WAPL: variants seen among roughly 807,000 people sequenced by gnomAD.
WAPL encodes wings apart-like protein homolog.
Under a neutral mutation model 121.0 loss-of-function variants are expected in WAPL, and 5 were observed. The observed-to-expected ratio is 0.04, with a 90% CI of 0.02 to 0.09. The LOEUF (loss-of-function observed/expected upper bound fraction) is 0.09, where lower values mean the gene tolerates loss of function less well. Ranked by LOEUF, WAPL falls within the 10% of genes least tolerant of loss-of-function variation. WAPL has a pLI of 1.00. For missense variants in WAPL, 999 were observed against 1,410.8 expected (o/e 0.71, Z 4.68); for synonymous variants, 480 against 481.5 (o/e 1.00, Z 0.04).
intron 4 of WAPL, among the ~76,000 whole-genome samples, chr10:86,485,349 C>T (rs12257803): frequency 0.02 from 3,104 of 152,142 alleles, 119 homozygotes; most frequent in African/African-American, 0.071. Flanking sequence ...TCAAGACCAA[C>T]ATGGTAAAAC....
intron 4 of WAPL, among the ~76,000 whole-genome samples, chr10:86,480,001 CAT>C (rs1469420113): frequency 2.6e-5 from 4 of 152,186 alleles, no homozygotes; most frequent in African/African-American, 9.7e-5. Context: ...CTATAAAAAA[CAT>C]AACACATGTT....
At chr10:86,453,007 C>T in intron 14 of WAPL, among the ~76,000 whole-genome samples, 1 of 100,896 alleles carries the variant, frequency 9.9e-6, no homozygotes, top group Non-Finnish European at 1.8e-5. Flanking sequence ...CCACTGTAGA[C>T]TCCATCTCCC....
chr10:86,440,045 T>TG, intron 17 of WAPL, among the ~76,000 whole-genome samples: 1 of 152,212 alleles, frequency 6.6e-6, no homozygotes. Context: ...CAAATAAATC[T>TG]GGGGCTCTAT....
chr10:86,446,471 G>A, intron 15 of WAPL, 22 bp from the exon 16 acceptor site: 1 of 1,606,554 alleles, frequency 6.2e-7, no homozygotes, highest in Non-Finnish European at 8.5e-7. Flanking sequence ...TATTTTTGAA[G>A]ATCATTAAAA....
rs1043829817 is a variant in WAPL, at chr10:86,436,931, A to T, written c.*612T>A. On this transcript the variant is annotated 3_prime_UTR_variant, in exon 19 of 19. Transcript: ENST00000298767. ...CAAACCTAATCAAGAATAAAAAAATATACTATTAATCCCGTGTATCTTTGG... is the reference window on the plus strand; with the variant it reads ...CAAACCTAATCAAGAATAAAAAAATTTACTATTAATCCCGTGTATCTTTGG... 3.9e-5 allele frequency: 6 copies of T among 152,608 alleles called. No individual in the cohort carries two copies. Among genetic ancestry groups the T allele is most frequent in the African/African-American group, 1.4e-4 (6 of 41,460 alleles). The allele number at this position is 152,608 out of a possible 1,614,324, so 9.5% of individuals were successfully genotyped here.
chr10:86,499,827 T>A lies in WAPL; in HGVS notation c.1416A>T (p.Glu472Asp). The A allele has an allele frequency of 6.2e-7, 1 of 1,613,706 alleles. No homozygotes were observed. The highest frequency in any genetic ancestry group is 8.5e-7 in the Non-Finnish European group (1 of 1,179,924). Residue 472 changes from glutamate (E) to aspartate (D), a missense_variant, in exon 3 of 19, where the codon GAA becomes GAT. By Grantham distance (45) the Glu-to-Asp change is conservative (BLOSUM62 2). This residue lies in a region of WAPL where 531 missense variants were observed against 563.1 expected (regional missense o/e 0.94). Coordinates refer to ENST00000298767, the MANE Select transcript of WAPL (RefSeq NM_015045.5). ...EDDEDDDCQV[E>D]RKTSKKRTKT... ...TAGTTCTTTTTTTGCTTGTCTTTCTTTCTACTTGACAGTCATCATCTTCAT... is the reference window on the plus strand; with the variant it reads ...TAGTTCTTTTTTTGCTTGTCTTTCTATCTACTTGACAGTCATCATCTTCAT...
intron 4 of WAPL, chr10:86,488,391 C>A (rs1270446173): frequency 6.6e-6 from 1 of 152,224 alleles, no homozygotes; most frequent in African/African-American, 2.4e-5. Flanking sequence ...AAATGGCTGA[C>A]TCCAGGACTG....
chr10:86,440,430 G>T (rs1849434422), intron 17 of WAPL, among the ~76,000 whole-genome samples: 1 of 150,662 alleles, frequency 6.6e-6, no homozygotes, highest in Admixed American at 6.6e-5. Flanking sequence ...TGGGACTACA[G>T]GTGCCCACCA....
chr10:86,517,576 G>A lies in WAPL; in HGVS notation c.494C>T (p.Thr165Ile), dbSNP rs1429252010. Reference sequence around the variant, plus strand: ...TAAAGAAAATCAAAACTTACCTGAAGTTATTAATTTATTACAGCTACTTAT... The same window carrying A: ...TAAAGAAAATCAAAACTTACCTGAAATTATTAATTTATTACAGCTACTTAT... ...ASISSCNKLI[T>I]SDKVENFHEE... is the part of the protein sequence containing the mutation. The change falls in exon 2 of 19, where the codon ACT becomes ATT. Residue 165 changes from threonine to isoleucine, a missense_variant. Physicochemically the swap from Thr to Ile is moderately conservative, Grantham distance 89. This residue lies in a region of WAPL where 531 missense variants were observed against 563.1 expected (regional missense o/e 0.94). Coordinates refer to ENST00000298767, the MANE Select transcript of WAPL (RefSeq NM_015045.5). 1.2e-6 allele frequency: 2 copies of A among 1,601,666 alleles called. No individual in the cohort carries two copies. Among genetic ancestry groups the A allele is most frequent in the African/African-American group, 1.3e-5 (1 of 74,506 alleles).
At chr10:86,463,483 C>T (rs1047466988) in intron 9 of WAPL, among the ~76,000 whole-genome samples, 25 of 151,908 alleles carry the variant, frequency 1.6e-4, no homozygotes, top group Non-Finnish European at 8.8e-5. Context: ...GTGTGTGTGT[C>T]GCCTTCATTT....
chr10:86,467,382 G>A lies in WAPL; in HGVS notation c.2267C>T (p.Ser756Leu), dbSNP rs542912476. 8.1e-6 allele frequency: 13 copies of A among 1,614,088 alleles called. No individual in the cohort carries two copies. In the South Asian group the frequency reaches 1.3e-4, roughly 16 times the overall value. The change falls in exon 9 of 19, where the codon TCA becomes TTA. Residue 756 changes from serine (S) to leucine (L), a missense_variant. By Grantham distance (145) the Ser-to-Leu change is moderately radical. Transcript: ENST00000298767. ...RLLELEQDAS[S>L]AKLLNEKDMN... ...GTCTTTTTCATTCAGTAGCTTGGCT[G>A]ATGAAGCATCTTGTTCCAGTTCCAA... is the stretch of plus-strand genomic sequence containing the variant.
At chr10:86,450,678 G>C (rs994933133) in intron 15 of WAPL, among the ~76,000 whole-genome samples, 1 of 152,120 alleles carries the variant, frequency 6.6e-6, no homozygotes, top group African/African-American at 2.4e-5. Context: ...ATCAACTATT[G>C]ATAGTAAATT....
chr10:86,505,300 C>CTTTTTTTT lies in WAPL; in HGVS notation c.500-4565_500-4558dup, dbSNP rs531404303. Among the ~76,000 whole-genome samples the CTTTTTTTT allele has an allele frequency of 8.5e-4, 38 of 44,648 alleles. 5 individuals are homozygous for CTTTTTTTT. Among genetic ancestry groups the CTTTTTTTT allele is most frequent in the Non-Finnish European group, 1.1e-3 (26 of 24,342 alleles). The allele number at this position is 44,648 out of a possible 152,430, so 29.3% of individuals were successfully genotyped here. A position where few individuals can be genotyped will look rare whatever the true frequency, so the allele number is the denominator to read the frequency against. ...CAAGCTTCAGCCACAGTGCCCAACT[C>CTTTTTTTT]TTTTTTTTTTTTTTTTTTTTTTTTT... On this transcript the variant is annotated intron_variant, in intron 2 of 18. Transcript: ENST00000298767.
At position 86,468,356 on chromosome 10, in the gene WAPL, C is replaced by T. The variant is rs368760118; in HGVS notation, c.2143-850G>A. On this transcript the variant is annotated intron_variant, in intron 8 of 18. Transcript: ENST00000298767. ...GGGACAACCGGCAGGCGCCACCATGCCCAGCTGATATTTTTGTATTTTTTG... is the reference window on the plus strand; with the variant it reads ...GGGACAACCGGCAGGCGCCACCATGTCCAGCTGATATTTTTGTATTTTTTG... 1.2e-3 allele frequency among the ~76,000 whole-genome samples: 179 copies of T among 152,090 alleles called. 2 individuals are homozygous for T. In the South Asian group the frequency reaches 0.031, roughly 26 times the overall value.
In WAPL at chr10:86,499,785, G is replaced by A. The variant is rs1223895669; in HGVS notation, c.1458C>T (p.Pro486=). The A allele has an allele frequency of 6.2e-7, 1 of 1,611,036 alleles. No homozygotes were observed. The highest frequency in any genetic ancestry group is 1.3e-5 in the African/African-American group (1 of 74,598). Residue 486 remains proline (P), a synonymous_variant, in exon 3 of 19, where the codon CCC becomes CCT. Coordinates refer to ENST00000298767, the MANE Select transcript of WAPL (RefSeq NM_015045.5). ...TGCTTTCTGGGGGAGGCTGCAAGGA[G>A]GGTGATGGAGCTGTTTTAGTTCTTT... is the stretch of plus-strand genomic sequence containing the variant. The part of the protein sequence containing the change: ...SKKRTKTAPS[P]SLQPPPESND...
At chr10:86,458,081 A>G (rs1007901319) in intron 12 of WAPL, among the ~76,000 whole-genome samples, 2 of 152,266 alleles carry the variant, frequency 1.3e-5, no homozygotes, top group African/African-American at 2.4e-5. Flanking sequence ...TAAGACTGCA[A>G]TGGGCCTTTG....
rs140136229 is a variant in WAPL, at chr10:86,483,156, C to A, written c.1645-9183G>T. Among the ~76,000 whole-genome samples, 43 of 152,274 alleles carry A rather than the reference C, an allele frequency of 2.8e-4. No homozygotes were observed. The East Asian group carries it at 7.9e-3, about 28-fold the overall frequency. On this transcript the variant is annotated intron_variant, in intron 4 of 18. Transcript: ENST00000298767. Reference sequence around the variant, plus strand: ...TACATACATGCCAGGTGCGGTGGCTCACGCCTGTAATCCTAGCATTTTGGG... The same window carrying A: ...TACATACATGCCAGGTGCGGTGGCTAACGCCTGTAATCCTAGCATTTTGGG...
In WAPL at chr10:86,511,980, A is replaced by C. The variant is rs570691278; in HGVS notation, c.499+5591T>G. Among the ~76,000 whole-genome samples the C allele has an allele frequency of 2.6e-5, 4 of 152,352 alleles. No individual in the cohort carries two copies. In the East Asian group the frequency reaches 7.7e-4, roughly 29 times the overall value. On this transcript the variant is annotated intron_variant, in intron 2 of 18. Coordinates refer to ENST00000298767, the MANE Select transcript of WAPL (RefSeq NM_015045.5). ...GGTCTTATCCACTTCTCTTAAAAAG[A>C]AGCTGATTTTCGGTATGATTTAAAT...
intron 12 of WAPL, among the ~76,000 whole-genome samples, chr10:86,456,601 G>A (rs925855452): frequency 3.9e-5 from 6 of 152,142 alleles, no homozygotes; most frequent in African/African-American, 1.2e-4. Flanking sequence ...TAAAGAAACC[G>A]TATCTAATCT....
Sources: allele counts gnomAD v4.1 joint callset (sites outside exome capture counted in the v4.1 genomes callset), GRCh38; gene constraint gnomAD v4.1.1; regional missense constraint gnomAD v4.1.1; transcripts MANE v1.5; gene names NCBI Gene and HGNC (gene_info 2026-07-23, HGNC 2026-07-21).